RSRC1: variants seen among roughly 807,000 people sequenced by gnomAD.
RSRC1 encodes the protein serine/Arginine-related protein 53.
In RSRC1, 39 loss-of-function variants were observed where a neutral mutation model predicts 49.1. The observed-to-expected ratio is 0.79, with a 90% CI of 0.61 to 1.04. The LOEUF is 1.04. RSRC1 is among the 50% of genes least tolerant of loss of function. The pLI, the probability that RSRC1 is intolerant of heterozygous loss-of-function variation, is 0.00. For missense variants in RSRC1, 388 were observed against 402.4 expected, an observed-to-expected ratio of 0.96 and a Z score of 0.31; for synonymous variants, 143 against 130.8, an observed-to-expected ratio of 1.09 and a Z score of -0.63.
At chr3:158,279,433 GT>G in intron 4 of RSRC1, among the ~76,000 whole-genome samples, 1 of 152,280 alleles carries the variant, frequency 6.6e-6, no homozygotes, top group Non-Finnish European at 1.5e-5. Context: ...TGTAAAAACT[GT>G]TTTAACTCAT....
rs1378375739 is a variant in RSRC1, at chr3:158,118,462, T to TGCGCGC, written c.-2-3636_-2-3635insCGCGCG. Among the ~76,000 whole-genome samples the TGCGCGC allele has an allele frequency of 1.3e-3, 166 of 124,702 alleles. 3 individuals are homozygous for TGCGCGC. The East Asian group carries it at 0.015, about 12-fold the overall frequency. The allele number at this position is 124,702 out of a possible 152,430, so 81.8% of individuals were successfully genotyped here. A position where few individuals can be genotyped will look rare whatever the true frequency, so the allele number is the denominator to read the frequency against. On this transcript the variant is annotated intron_variant, in intron 1 of 9. Transcript: ENST00000611884. ...GTGTGTGTGTGTGTGTGTGTGTGTG[T>TGCGCGC]GCGCGTGCGCGTGGTTTTTTTAAAT... is the stretch of plus-strand genomic sequence containing the variant.
chr3:158,497,764 T>G (rs1469549358), intron 7 of RSRC1, among the ~76,000 whole-genome samples: 1 of 152,124 alleles, frequency 6.6e-6, no homozygotes, highest in Non-Finnish European at 1.5e-5. Flanking sequence ...CTTTGTGTCT[T>G]CACAGCTTAG....
chr3:158,411,518 T>G (rs546607034), intron 6 of RSRC1, among the ~76,000 whole-genome samples: 20 of 150,072 alleles, frequency 1.3e-4, no homozygotes, highest in East Asian at 3.9e-4. Context: ...CTCTTTTTTT[T>G]TTGTTTGTTT....
chr3:158,366,747 C>T (rs1022454665), intron 6 of RSRC1, among the ~76,000 whole-genome samples: 2 of 152,112 alleles, frequency 1.3e-5, no homozygotes, highest in African/African-American at 4.8e-5. Context: ...GGCAGTATGG[C>T]CATGTTCATG....
chr3:158,512,134 C>T (rs1384621279), intron 7 of RSRC1, among the ~76,000 whole-genome samples: 2 of 149,010 alleles, frequency 1.3e-5, no homozygotes, highest in Non-Finnish European at 3.0e-5. Flanking sequence ...TCCCATTTGT[C>T]AATTTTGGCT....
At chr3:158,300,076 A>G (rs749833145) in intron 5 of RSRC1, among the ~76,000 whole-genome samples, 7 of 152,172 alleles carry the variant, frequency 4.6e-5, no homozygotes, top group Non-Finnish European at 8.8e-5. Flanking sequence ...TATTTTTGAC[A>G]CTAAGTTATA....
intron 2 of RSRC1, among the ~76,000 whole-genome samples, chr3:158,123,614 A>G (rs908632120): frequency 3.9e-5 from 6 of 152,166 alleles, no homozygotes; most frequent in African/African-American, 1.4e-4. Context: ...TAGTTTTCAT[A>G]CCATATAATC....
chr3:158,474,995 G>T (rs886654704), intron 7 of RSRC1, among the ~76,000 whole-genome samples: 2 of 151,762 alleles, frequency 1.3e-5, no homozygotes, highest in East Asian at 3.9e-4. Context: ...GCTCATTGCA[G>T]CCTCAACCTC....
intron 6 of RSRC1, among the ~76,000 whole-genome samples, chr3:158,401,056 A>G (rs1733872939): frequency 6.6e-6 from 1 of 152,108 alleles, no homozygotes; most frequent in Non-Finnish European, 1.5e-5. Context: ...GTATTCAGGT[A>G]CAGTAACATG....
At chr3:158,174,097 A>T (rs1224017749) in intron 3 of RSRC1, among the ~76,000 whole-genome samples, 7 of 151,978 alleles carry the variant, frequency 4.6e-5, no homozygotes, top group Non-Finnish European at 5.9e-5. Context: ...ATTTTATGGT[A>T]TGTAAAATAT....
intron 7 of RSRC1, among the ~76,000 whole-genome samples, chr3:158,517,499 A>T (rs1463744687): frequency 1.3e-5 from 2 of 151,800 alleles, no homozygotes; most frequent in Non-Finnish European, 2.9e-5. Flanking sequence ...ATAGGGGGTG[A>T]TGTTTGTTTT....
At chr3:158,115,302 T>C (rs909481517) in intron 1 of RSRC1, among the ~76,000 whole-genome samples, 4 of 152,178 alleles carry the variant, frequency 2.6e-5, no homozygotes, top group African/African-American at 9.6e-5. Context: ...CTGTTCTCTC[T>C]TTTTGGTCAC....
intron 3 of RSRC1, among the ~76,000 whole-genome samples, chr3:158,172,438 G>A (rs1456930960): frequency 1.3e-5 from 2 of 152,232 alleles, no homozygotes; most frequent in South Asian, 2.1e-4. Flanking sequence ...AAGGAAAACA[G>A]TGTTTCATTT....
chr3:158,440,613 CAA>C (rs1491289324), intron 6 of RSRC1, among the ~76,000 whole-genome samples: 4 of 152,044 alleles, frequency 2.6e-5, no homozygotes, highest in African/African-American at 7.2e-5. Flanking sequence ...CACACACACA[CAA>C]ATCCACACCA....
intron 7 of RSRC1, among the ~76,000 whole-genome samples, chr3:158,470,818 C>G (rs1738104765): frequency 6.6e-6 from 1 of 151,740 alleles, no homozygotes; most frequent in Admixed American, 6.6e-5. Flanking sequence ...TCTCCAACGC[C>G]AAGAAAAAAA....
intron 6 of RSRC1, among the ~76,000 whole-genome samples, chr3:158,445,298 T>A (rs1736638490): frequency 6.6e-6 from 1 of 152,126 alleles, no homozygotes; most frequent in African/African-American, 2.4e-5. Context: ...ATGTGGCACA[T>A]ACACCCCATG....
At chr3:158,363,511 C>T (rs989373098) in intron 6 of RSRC1, among the ~76,000 whole-genome samples, 8 of 152,076 alleles carry the variant, frequency 5.3e-5, no homozygotes, top group Non-Finnish European at 8.8e-5. Context: ...GTGATCTGAC[C>T]GCCTCGGCCT....
intron 6 of RSRC1, among the ~76,000 whole-genome samples, chr3:158,368,863 GT>G (rs1731917001): frequency 6.6e-6 from 1 of 151,976 alleles, no homozygotes; most frequent in African/African-American, 2.4e-5. Context: ...TTATAGGTCT[GT>G]TTTTTTGGAT....
At chr3:158,283,143 GA>G (rs1255738357) in intron 4 of RSRC1, among the ~76,000 whole-genome samples, 5 of 151,496 alleles carry the variant, frequency 3.3e-5, no homozygotes, top group Admixed American at 6.6e-5. Context: ...GTATAAGGGT[GA>G]AAAAAAATGT....
Sources: allele counts gnomAD v4.1 joint callset (sites outside exome capture counted in the v4.1 genomes callset), GRCh38; gene constraint gnomAD v4.1.1; transcripts MANE v1.5; gene names NCBI Gene and HGNC (gene_info 2026-07-23, HGNC 2026-07-21).